The following COLEC12 variants were observed in gnomAD, a reference collection of about 807,000 sequenced individuals.
COLEC12 encodes the protein collectin subfamily member 12.
Under a neutral mutation model 71.1 loss-of-function variants are expected in COLEC12, and 33 were observed. The observed-to-expected ratio is 0.46, with a 90% CI of 0.35 to 0.62. COLEC12 has a LOEUF of 0.62. COLEC12 is among the 20% of genes least tolerant of loss of function. The pLI is 0.00. For missense variants in COLEC12, 765 were observed against 916.1 expected (o/e 0.84, Z 2.13); for synonymous variants, 350 against 353.0 (o/e 0.99, Z 0.10).
chr18:453,166 GC>G, intron 2 of COLEC12, among the ~76,000 whole-genome samples: 1 of 152,158 alleles, frequency 6.6e-6, no homozygotes, highest in Non-Finnish European at 1.5e-5. Context: ...AGTGAACTTA[GC>G]AAGCAAGAAT....
intron 2 of COLEC12, among the ~76,000 whole-genome samples, chr18:385,530 G>T (rs1007705352): frequency 4.5e-4 from 69 of 152,056 alleles, no homozygotes; most frequent in Admixed American, 3.7e-3. Flanking sequence ...TCACCATGTT[G>T]GTTAGGCTGG....
rs137958601 is a variant in COLEC12, at chr18:476,575, A to C, written c.58+4132T>G. ...TGCGACCAATCAATGAAACAAAGTC[A>C]GTCTAGCGCCCCCGCCCCAGTGCAG... On this transcript the variant is annotated intron_variant, in intron 2 of 9. Coordinates refer to ENST00000400256, the MANE Select transcript of COLEC12 (RefSeq NM_130386.3). Among the ~76,000 whole-genome samples the C allele has an allele frequency of 6.2e-3, 935 of 151,734 alleles. 2 individuals carry two copies. Among genetic ancestry groups the C allele is most frequent in the Non-Finnish European group, 0.011 (740 of 67,938 alleles).
chr18:393,646 T>C (rs938327299), intron 2 of COLEC12, among the ~76,000 whole-genome samples: 2 of 152,358 alleles, frequency 1.3e-5, no homozygotes, highest in Middle Eastern at 3.4e-3. Context: ...GCCTGTCTTT[T>C]AGATAAGTGA....
chr18:500,614 G>C lies in COLEC12; in HGVS notation c.-100C>G, dbSNP rs1466425234. The C allele has an allele frequency of 6.0e-6, 6 of 1,006,206 alleles. No individual in the cohort carries two copies. The African/African-American group carries it at 6.8e-5, about 11-fold the overall frequency. The allele number at this position is 1,006,206 out of a possible 1,614,324, so 62.3% of individuals were successfully genotyped here. A position where few individuals can be genotyped will look rare whatever the true frequency, so the allele number is the denominator to read the frequency against. Reference sequence around the variant, plus strand: ...GGCTGCTCACCGCACGCCCATGGTAGCCGCGCCGCGCGCCGGCCGTCTGCG... The same window carrying C: ...GGCTGCTCACCGCACGCCCATGGTACCCGCGCCGCGCGCCGGCCGTCTGCG... On this transcript the variant is annotated 5_prime_UTR_variant, in exon 1 of 10. Coordinates refer to ENST00000400256, the MANE Select transcript of COLEC12 (RefSeq NM_130386.3). The surrounding 1 kb of genome is among the most constrained non-coding windows in gnomAD (Gnocchi z 5.3).
At chr18:328,458 G>C (rs1462823668) in intron 8 of COLEC12, among the ~76,000 whole-genome samples, 2 of 152,180 alleles carry the variant, frequency 1.3e-5, no homozygotes, top group Non-Finnish European at 2.9e-5. Flanking sequence ...GTGAGACACT[G>C]TGTGGACATC....
At chr18:357,780 A>C (rs115723509) in intron 2 of COLEC12, among the ~76,000 whole-genome samples, 1,838 of 152,356 alleles carry the variant, frequency 0.012, 35 homozygotes, top group African/African-American at 0.041. Flanking sequence ...GTCATGCATC[A>C]GTTAATGGGG....
At position 418,844 on chromosome 18, in the gene COLEC12, T is replaced by C. The variant is rs1481935407; in HGVS notation, c.59-61322A>G. Among the ~76,000 whole-genome samples the C allele has an allele frequency of 2.0e-5, 3 of 152,242 alleles. No individual in the cohort carries two copies. The East Asian group carries it at 5.8e-4, about 29-fold the overall frequency. ...CAACCAGCAGCCCTCAGGGCTACTC[T>C]ATGCAGTAGCCATTCTTTCATTCCT... On this transcript the variant is annotated intron_variant, in intron 2 of 9. Transcript: ENST00000400256.
chr18:500,652 C>A lies in COLEC12; in HGVS notation c.-138G>T. On this transcript the variant is annotated 5_prime_UTR_variant, in exon 1 of 10. The change creates a new upstream start codon in the 5' untranslated region. Coordinates refer to ENST00000400256, the MANE Select transcript of COLEC12 (RefSeq NM_130386.3). The surrounding 1 kb of genome is among the most constrained non-coding windows in gnomAD (Gnocchi z 5.3). The stretch of plus-strand genomic sequence containing the variant: ...CCGGCCGTCTGCGCCCCCGTCCTCC[C>A]TCGCCGCCGCCGGCCCGCGCTCCCC... The A allele has an allele frequency of 1.7e-6, 1 of 586,666 alleles. No homozygotes were observed. The highest frequency in any genetic ancestry group is 7.8e-5 in the South Asian group (1 of 12,900). The allele number at this position is 586,666 out of a possible 1,614,324, so 36.3% of individuals were successfully genotyped here.
chr18:349,654 A>G (rs1914464768), intron 3 of COLEC12, among the ~76,000 whole-genome samples: 1 of 152,192 alleles, frequency 6.6e-6, no homozygotes, highest in African/African-American at 2.4e-5. Flanking sequence ...CCAGCCATGA[A>G]AGCAGCAGGG....
intron 5 of COLEC12, among the ~76,000 whole-genome samples, chr18:340,381 G>A (rs1371455165): frequency 2.0e-5 from 3 of 152,156 alleles, no homozygotes. Flanking sequence ...CGGGGTTTGT[G>A]CTGTCAGTGA....
At chr18:401,733 A>C (rs901564362) in intron 2 of COLEC12, among the ~76,000 whole-genome samples, 1 of 152,146 alleles carries the variant, frequency 6.6e-6, no homozygotes, top group Non-Finnish European at 1.5e-5. Flanking sequence ...ATAATCAAAA[A>C]TTTGCTTTAG....
At chr18:467,668 G>A (rs1426450180) in intron 2 of COLEC12, among the ~76,000 whole-genome samples, 1 of 152,182 alleles carries the variant, frequency 6.6e-6, no homozygotes, top group Non-Finnish European at 1.5e-5. Flanking sequence ...CTGCTTTTAT[G>A]AAGCTTGGAA....
chr18:447,657 CCTT>C (rs1916678902), intron 2 of COLEC12, among the ~76,000 whole-genome samples: 2 of 152,170 alleles, frequency 1.3e-5, no homozygotes. Context: ...CCCAGTTTCT[CCTT>C]CTGTAAAATT....
chr18:489,682 G>A (rs1383615817), intron 1 of COLEC12, among the ~76,000 whole-genome samples: 6 of 152,136 alleles, frequency 3.9e-5, no homozygotes, highest in Non-Finnish European at 8.8e-5. Context: ...AGCTATGCAA[G>A]AAACATGACT....
chr18:410,817 C>T (rs983618407), intron 2 of COLEC12, among the ~76,000 whole-genome samples: 6 of 152,290 alleles, frequency 3.9e-5, no homozygotes, highest in Admixed American at 1.3e-4. Flanking sequence ...AAAAGCTCAT[C>T]TCTTCAGGAA....
chr18:425,628 T>TTAAAGACA (rs1916185504), intron 2 of COLEC12, among the ~76,000 whole-genome samples: 1 of 152,176 alleles, frequency 6.6e-6, no homozygotes, highest in Non-Finnish European at 1.5e-5. Flanking sequence ...ACAGGTTTAA[T>TTAAAGACA]TAAAGACACA....
intron 2 of COLEC12, among the ~76,000 whole-genome samples, chr18:450,155 C>A (rs866299011): frequency 6.6e-6 from 1 of 152,156 alleles, no homozygotes; most frequent in South Asian, 2.1e-4. Context: ...CAAGGACTTT[C>A]TTTTTTAAAA....
At chr18:354,734 C>G (rs1351862081) in intron 3 of COLEC12, among the ~76,000 whole-genome samples, 1 of 151,664 alleles carries the variant, frequency 6.6e-6, no homozygotes, top group Admixed American at 6.5e-5. Flanking sequence ...GTTTGGAAAG[C>G]AAAAGTGCAT....
At chr18:472,249 C>T (rs1917212528) in intron 2 of COLEC12, among the ~76,000 whole-genome samples, 1 of 152,224 alleles carries the variant, frequency 6.6e-6, no homozygotes, top group Non-Finnish European at 1.5e-5. Flanking sequence ...CTCCAGCATA[C>T]ATTCTCTTAG....
Sources: allele counts gnomAD v4.1 joint callset (sites outside exome capture counted in the v4.1 genomes callset), GRCh38; gene constraint gnomAD v4.1.1; non-coding constraint Gnocchi (gnomAD v3.1); transcripts MANE v1.5; gene names NCBI Gene and HGNC (gene_info 2026-07-23, HGNC 2026-07-21).